The following UPP2 variants were observed in gnomAD, a reference collection of about 807,000 sequenced individuals.
UPP2 encodes uridine phosphorylase 2.
A neutral mutation model predicts 26.7 loss-of-function variants in UPP2; 23 were observed. The ratio of observed to expected loss-of-function variants is 0.86; its 90% CI spans 0.62 to 1.22. The LOEUF is 1.22. Among genes scored for constraint, UPP2 ranks in the 50% most tolerant of loss-of-function variants. The pLI, the probability that UPP2 is intolerant of heterozygous loss-of-function variation, is 0.00. For synonymous variants in UPP2, 127 were observed against 141.3 expected, an observed-to-expected ratio of 0.90 and a Z score of 0.72; for missense variants, 387 against 396.7, an observed-to-expected ratio of 0.98 and a Z score of 0.21.
intron 1 of UPP2, among the ~76,000 whole-genome samples, chr2:158,105,691 T>C (rs1683178039): frequency 6.6e-6 from 1 of 152,220 alleles, no homozygotes; most frequent in Admixed American, 6.5e-5. Context: ...AGCCCAGTAG[T>C]TTATATTCCA....
intron 5 of UPP2, among the ~76,000 whole-genome samples, chr2:158,122,321 T>G (rs1683587324): frequency 6.6e-6 from 1 of 152,274 alleles, no homozygotes; most frequent in African/African-American, 2.4e-5. Context: ...TATTTCATTA[T>G]AAATTACTTT....
intron 3 of UPP2, among the ~76,000 whole-genome samples, chr2:158,093,929 A>C (rs950610146): frequency 6.6e-6 from 1 of 151,146 alleles, no homozygotes; most frequent in African/African-American, 2.4e-5. Flanking sequence ...AGCAACATAA[A>C]AAAGCCAGTT....
chr2:158,033,480 A>G (rs1683955966), intron 3 of UPP2, among the ~76,000 whole-genome samples: 1 of 152,140 alleles, frequency 6.6e-6, no homozygotes, highest in East Asian at 1.9e-4. Flanking sequence ...TAGCTTCTCC[A>G]GAAGGGATCT....
chr2:158,097,219 A>G (rs1355651796), upstream of UPP2, among the ~76,000 whole-genome samples: 2 of 152,118 alleles, frequency 1.3e-5, no homozygotes, highest in Non-Finnish European at 2.9e-5. Flanking sequence ...TGGCGTTTCC[A>G]TTTACCTGGA....
intron 3 of UPP2, among the ~76,000 whole-genome samples, chr2:158,074,457 G>T (rs1338497653): frequency 1.3e-5 from 2 of 152,120 alleles, no homozygotes; most frequent in East Asian, 3.9e-4. Context: ...GTTTTTATTA[G>T]TTTTTTTGTT....
intron 6 of UPP2, among the ~76,000 whole-genome samples, chr2:158,133,073 G>A (rs1683857719): frequency 6.6e-6 from 1 of 152,164 alleles, no homozygotes; most frequent in African/African-American, 2.4e-5. Context: ...GCTCTCCCAA[G>A]TTTGTTGCAG....
At chr2:158,068,167 A>C (rs926873468) in intron 3 of UPP2, among the ~76,000 whole-genome samples, 1 of 152,232 alleles carries the variant, frequency 6.6e-6, no homozygotes, top group African/African-American at 2.4e-5. Context: ...AAATCTCTAC[A>C]ACCTCATCTG....
intron 2 of UPP2, among the ~76,000 whole-genome samples, chr2:158,011,942 T>C (rs1453525359): frequency 1.3e-5 from 2 of 152,196 alleles, no homozygotes; most frequent in African/African-American, 4.8e-5. Flanking sequence ...AAATTCTGGG[T>C]TTTTCCACTC....
intron 6 of UPP2, chr2:158,127,828 A>G (rs149741035): frequency 0.013 from 2,140 of 170,806 alleles, 25 homozygotes; most frequent in Middle Eastern, 0.023. Context: ...GAAGGGAAAT[A>G]GTGGAATTCA....
chr2:158,128,779 A>G (rs1055494307), intron 6 of UPP2, among the ~76,000 whole-genome samples: 7 of 152,122 alleles, frequency 4.6e-5, no homozygotes, highest in African/African-American at 1.4e-4. Context: ...AGATTTTTCC[A>G]TTTTAAGTGT....
At chr2:158,067,753 A>G (rs1202426794) in intron 3 of UPP2, among the ~76,000 whole-genome samples, 4 of 152,138 alleles carry the variant, frequency 2.6e-5, no homozygotes, top group Non-Finnish European at 5.9e-5. Context: ...TTGGAGGTAC[A>G]TTTTATTTTT....
At chr2:158,134,397 A>G (rs923627307) in intron 6 of UPP2, among the ~76,000 whole-genome samples, 1 of 152,216 alleles carries the variant, frequency 6.6e-6, no homozygotes, top group African/African-American at 2.4e-5. Context: ...ACCCTCCTCT[A>G]AGAACTGGAA....
intron 3 of UPP2, among the ~76,000 whole-genome samples, chr2:158,095,940 T>G (rs1260563569): frequency 6.6e-6 from 1 of 152,220 alleles, no homozygotes; most frequent in African/African-American, 2.4e-5. Flanking sequence ...CTTGAATTTT[T>G]GTTAGACACG....
At chr2:157,996,522 C>T (rs1683326595) in intron 2 of UPP2, among the ~76,000 whole-genome samples, 1 of 151,942 alleles carries the variant, frequency 6.6e-6, no homozygotes, top group African/African-American at 2.4e-5. Context: ...GAATTAGATC[C>T]CAAAGAAAAT....
At chr2:157,998,062 T>C (rs1683349305) in intron 2 of UPP2, among the ~76,000 whole-genome samples, 1 of 152,192 alleles carries the variant, frequency 6.6e-6, no homozygotes, top group Non-Finnish European at 1.5e-5. Context: ...GGTTAAATCA[T>C]GGATATGGGT....
chr2:158,071,283 G>T (rs1016807147), intron 3 of UPP2, among the ~76,000 whole-genome samples: 1 of 152,086 alleles, frequency 6.6e-6, no homozygotes, highest in Non-Finnish European at 1.5e-5. Context: ...CTTCCAGCAC[G>T]GTGGCTCATG....
chr2:158,118,949 T>A (rs1338047579), intron 4 of UPP2, among the ~76,000 whole-genome samples: 9 of 151,946 alleles, frequency 5.9e-5, no homozygotes, highest in Non-Finnish European at 1.0e-4. Context: ...GGCCCTTACA[T>A]CTGGGAGAAA....
intron 6 of UPP2, among the ~76,000 whole-genome samples, chr2:158,128,822 A>G (rs1025242286): frequency 1.3e-5 from 2 of 151,208 alleles, no homozygotes; most frequent in African/African-American, 4.9e-5. Context: ...TGCCACAAGC[A>G]AACCCTAAGG....
At chr2:158,040,101 T>C (rs1484412602) in intron 3 of UPP2, among the ~76,000 whole-genome samples, 1 of 152,224 alleles carries the variant, frequency 6.6e-6, no homozygotes, top group Non-Finnish European at 1.5e-5. Flanking sequence ...CAGGCCATTA[T>C]GAATGGATTA....
Sources: gnomAD v4.1 joint callset for allele counts (sites outside exome capture counted in the v4.1 genomes callset) on GRCh38, gnomAD v4.1.1 for gene constraint, MANE v1.5 for transcripts, NCBI Gene and HGNC (gene_info 2026-07-23, HGNC 2026-07-21) for gene names.